Variants in DUSP10 observed in about 807,000 individuals in gnomAD.
DUSP10 encodes dual specificity protein phosphatase 10.
In DUSP10, 14 loss-of-function variants were observed where a neutral mutation model predicts 30.8. The observed-to-expected ratio is 0.46, with a 90% CI of 0.30 to 0.71. The LOEUF (loss-of-function observed/expected upper bound fraction) is 0.71, where lower values mean the gene tolerates loss of function less well. DUSP10 is among the 30% of genes least tolerant of loss of function. The pLI is 0.08. For synonymous variants in DUSP10, 254 were observed against 250.4 expected, an observed-to-expected ratio of 1.01 and a Z score of -0.14; for missense variants, 550 against 619.4, an observed-to-expected ratio of 0.89 and a Z score of 1.19.
chr1:221,705,021 C>A (rs1235460005), intron 3 of DUSP10, among the ~76,000 whole-genome samples: 2 of 151,712 alleles, frequency 1.3e-5, no homozygotes, highest in Non-Finnish European at 2.9e-5. Flanking sequence ...TAGGCCACCC[C>A]TTTATGGTAA....
At chr1:221,735,951 A>G (rs576642607) in intron 2 of DUSP10, among the ~76,000 whole-genome samples, 1 of 152,354 alleles carries the variant, frequency 6.6e-6, no homozygotes, top group South Asian at 2.1e-4. Context: ...AAATCCCTAA[A>G]TATTTATTCA....
intron 2 of DUSP10, among the ~76,000 whole-genome samples, chr1:221,716,003 C>T (rs377281637): frequency 4.0e-5 from 6 of 151,092 alleles, no homozygotes; most frequent in Non-Finnish European, 8.9e-5. Flanking sequence ...CCCTCCCCTC[C>T]CCTCCCCTCT....
chr1:221,721,585 C>A (rs899122507), intron 2 of DUSP10, among the ~76,000 whole-genome samples: 4 of 152,260 alleles, frequency 2.6e-5, no homozygotes, highest in South Asian at 2.1e-4. Context: ...GGGTGCTGGG[C>A]CTCCCTTAAA....
intron 3 of DUSP10, among the ~76,000 whole-genome samples, chr1:221,703,100 G>GA (rs955728148): frequency 2.1e-5 from 3 of 145,568 alleles, no homozygotes; most frequent in South Asian, 2.2e-4. Flanking sequence ...ACTACTGAAA[G>GA]AAAAAAAAAG....
At chr1:221,741,761 G>A (rs2102661937) in intron 1 of DUSP10, among the ~76,000 whole-genome samples, 1 of 152,034 alleles carries the variant, frequency 6.6e-6, no homozygotes, top group African/African-American at 2.4e-5. Context: ...GGGAGTAAAC[G>A]CACAGGGTAG....
chr1:221,737,060 T>A, intron 2 of DUSP10: 1 of 985,400 alleles, frequency 1.0e-6, no homozygotes, highest in Non-Finnish European at 1.2e-6. Context: ...GGATCCTCAC[T>A]TTCACAAGTA....
intron 2 of DUSP10, among the ~76,000 whole-genome samples, chr1:221,730,656 G>A (rs1661561699): frequency 6.6e-6 from 1 of 152,194 alleles, no homozygotes; most frequent in Admixed American, 6.5e-5. Flanking sequence ...CAGATTCAGA[G>A]AATAGGTAAG....
intron 2 of DUSP10, among the ~76,000 whole-genome samples, chr1:221,720,255 T>G (rs1661242957): frequency 6.6e-6 from 1 of 152,132 alleles, no homozygotes; most frequent in Non-Finnish European, 1.5e-5. Flanking sequence ...TCACCAGAAT[T>G]AAAACAGCTT....
At chr1:221,740,285 G>T (rs999447036) in intron 1 of DUSP10, among the ~76,000 whole-genome samples, 1 of 152,212 alleles carries the variant, frequency 6.6e-6, no homozygotes, top group African/African-American at 2.4e-5. Context: ...TCACAGAAAG[G>T]TACAGCAGCT....
chr1:221,717,452 AAGAAACAG>A (rs1252349946), intron 2 of DUSP10, among the ~76,000 whole-genome samples: 2 of 127,874 alleles, frequency 1.6e-5, no homozygotes, highest in African/African-American at 5.8e-5. Flanking sequence ...GGGAGGGGAA[AAGAAACAG>A]AGAGAGAGAG....
chr1:221,714,195 G>C (rs1387003921), intron 2 of DUSP10, among the ~76,000 whole-genome samples: 1 of 152,214 alleles, frequency 6.6e-6, no homozygotes. Context: ...GACATTGCTT[G>C]AGTTGTCATC....
chr1:221,735,685 G>C, intron 2 of DUSP10, among the ~76,000 whole-genome samples: 1 of 152,022 alleles, frequency 6.6e-6, no homozygotes, highest in East Asian at 1.9e-4. Context: ...TAACATTTTT[G>C]AAGGCATATA....
chr1:221,721,861 G>A (rs1045762426), intron 2 of DUSP10, among the ~76,000 whole-genome samples: 8 of 152,190 alleles, frequency 5.3e-5, no homozygotes, highest in Non-Finnish European at 7.3e-5. Flanking sequence ...TGAAATGGGG[G>A]CACAGTGCTC....
chr1:221,726,263 G>T (rs1389923620), intron 2 of DUSP10, among the ~76,000 whole-genome samples: 1 of 152,180 alleles, frequency 6.6e-6, no homozygotes, highest in Non-Finnish European at 1.5e-5. Context: ...AGTGCAGTTG[G>T]GTGGGAAGGT....
rs183462716 is a variant in DUSP10 at position 221,734,399 on chromosome 1, C to T, written c.811+4535G>A. Among the ~76,000 whole-genome samples the T allele has an allele frequency of 2.1e-3, 313 of 152,322 alleles. 3 individuals carry two copies. The highest frequency in any genetic ancestry group is 6.4e-3 in the African/African-American group (265 of 41,568). ...GTTATTTTTAGGCCATAGCAACACA[C>T]ACACTCTACTATACCTAGCTTGTTA... On this transcript the variant is annotated intron_variant, in intron 2 of 3. Transcript: ENST00000366899.
chr1:221,710,273 A>G (rs113375804), intron 2 of DUSP10, among the ~76,000 whole-genome samples: 7 of 151,362 alleles, frequency 4.6e-5, no homozygotes, highest in African/African-American at 1.7e-4. Context: ...GCAGTGATTC[A>G]GAGAAGGAGT....
chr1:221,711,703 A>G (rs1391856503), intron 2 of DUSP10: 1 of 152,242 alleles, frequency 6.6e-6, no homozygotes, highest in Non-Finnish European at 1.5e-5. Context: ...CTTGTAATAT[A>G]ATAATTTCTA....
chr1:221,737,359 C>T (rs973025794), intron 2 of DUSP10: 6 of 985,228 alleles, frequency 6.1e-6, no homozygotes, highest in Admixed American at 1.2e-4. Context: ...GGAAATTCCT[C>T]GGTAGGATTT....
chr1:221,713,855 A>G (rs1661016254), intron 2 of DUSP10, among the ~76,000 whole-genome samples: 2 of 152,210 alleles, frequency 1.3e-5, no homozygotes, highest in South Asian at 4.1e-4. Context: ...ACAGGGAAAG[A>G]GGTATTGAGA....
Sources: allele counts gnomAD v4.1 joint callset (sites outside exome capture counted in the v4.1 genomes callset), GRCh38; gene constraint gnomAD v4.1.1; transcripts MANE v1.5; gene names NCBI Gene and HGNC (gene_info 2026-07-23, HGNC 2026-07-21).